The following LRRC4C variants were observed in gnomAD, a reference collection of about 807,000 sequenced individuals.
The protein encoded by LRRC4C is leucine rich repeat containing 4C.
Under a neutral mutation model 33.6 loss-of-function variants are expected in LRRC4C, and 5 were observed. The observed-to-expected ratio is 0.15, with a 90% confidence interval of 0.08 to 0.31. The LOEUF (loss-of-function observed/expected upper bound fraction) is 0.31. LRRC4C is among the 10% of genes least tolerant of loss of function. The pLI, the probability that LRRC4C is intolerant of heterozygous loss-of-function variation, is 1.00. For missense variants in LRRC4C, 560 were observed against 796.7 expected (o/e 0.70, Z 3.58); for synonymous variants, 329 against 302.0 (o/e 1.09, Z -0.93).
chr11:41,218,554 C>T (rs1947163509), intron 1 of LRRC4C, among the ~76,000 whole-genome samples: 1 of 152,036 alleles, frequency 6.6e-6, no homozygotes, highest in Non-Finnish European at 1.5e-5. Context: ...TAGCAATAGG[C>T]TTCATACAAT....
At chr11:40,656,774 T>A (rs577553052) in intron 2 of LRRC4C, among the ~76,000 whole-genome samples, 24 of 152,340 alleles carry the variant, frequency 1.6e-4, no homozygotes, top group Admixed American at 3.9e-4. Flanking sequence ...GGTACCTGGA[T>A]GATCTGTTGA....
chr11:40,483,762 G>T (rs925675156), intron 3 of LRRC4C, among the ~76,000 whole-genome samples: 2 of 130,050 alleles, frequency 1.5e-5, no homozygotes, highest in Non-Finnish European at 3.2e-5. Flanking sequence ...TAGAAGATAG[G>T]CAAGAAATGT....
intron 1 of LRRC4C, among the ~76,000 whole-genome samples, chr11:41,198,487 C>T (rs536146234): frequency 2.0e-5 from 3 of 152,022 alleles, no homozygotes; most frequent in Middle Eastern, 3.4e-3. Context: ...CTGTAAAATG[C>T]AGCTTTTGCT....
At chr11:40,422,827 A>G (rs1950567463) in intron 3 of LRRC4C, among the ~76,000 whole-genome samples, 1 of 152,218 alleles carries the variant, frequency 6.6e-6, no homozygotes, top group Non-Finnish European at 1.5e-5. Context: ...TGAGATATAA[A>G]CCAGTAGTGA....
chr11:40,649,663 T>TA (rs1942669333), intron 2 of LRRC4C, among the ~76,000 whole-genome samples: 1 of 152,182 alleles, frequency 6.6e-6, no homozygotes, highest in African/African-American at 2.4e-5. Flanking sequence ...AAGACAGGCA[T>TA]AAAAAATTAT....
At chr11:41,332,456 C>A (rs1189096245) in intron 1 of LRRC4C, among the ~76,000 whole-genome samples, 1 of 152,072 alleles carries the variant, frequency 6.6e-6, no homozygotes, top group East Asian at 1.9e-4. Context: ...TTTGCCACTC[C>A]AACTCTCTGA....
intron 5 of LRRC4C, among the ~76,000 whole-genome samples, chr11:40,181,529 C>T (rs1590637211): frequency 6.6e-6 from 1 of 152,266 alleles, no homozygotes; most frequent in South Asian, 2.1e-4. Flanking sequence ...TCAATATAGG[C>T]AATGTGCTCT....
At chr11:41,179,719 G>GA (rs1394604607) in intron 1 of LRRC4C, among the ~76,000 whole-genome samples, 1 of 152,120 alleles carries the variant, frequency 6.6e-6, no homozygotes, top group Non-Finnish European at 1.5e-5. Flanking sequence ...CTACAACACA[G>GA]AATATAAACT....
intron 1 of LRRC4C, among the ~76,000 whole-genome samples, chr11:41,189,881 T>C (rs1945867410): frequency 6.6e-6 from 1 of 152,156 alleles, no homozygotes; most frequent in African/African-American, 2.4e-5. Context: ...AAAGCAGCTT[T>C]TTGTCTCCAC....
chr11:40,224,020 G>A (rs879492283), intron 5 of LRRC4C, among the ~76,000 whole-genome samples: 36 of 152,124 alleles, frequency 2.4e-4, no homozygotes, highest in Non-Finnish European at 5.1e-4. Flanking sequence ...AGTTTGTAAA[G>A]CTTAAAAGTA....
intron 3 of LRRC4C, among the ~76,000 whole-genome samples, chr11:40,435,138 G>T (rs1276617540): frequency 2.0e-5 from 3 of 152,118 alleles, no homozygotes; most frequent in African/African-American, 7.2e-5. Flanking sequence ...GCAACAAAAT[G>T]GCCAGCTCCA....
chr11:40,658,480 T>C (rs1320244507), intron 2 of LRRC4C, among the ~76,000 whole-genome samples: 1 of 152,170 alleles, frequency 6.6e-6, no homozygotes, highest in Non-Finnish European at 1.5e-5. Context: ...GGTTTAATTG[T>C]AAAGCTACCA....
At chr11:41,220,576 G>A (rs1472675792) in intron 1 of LRRC4C, among the ~76,000 whole-genome samples, 1 of 148,956 alleles carries the variant, frequency 6.7e-6, no homozygotes, top group Non-Finnish European at 1.5e-5. Flanking sequence ...CTACACGTCT[G>A]AAAGTACTTC....
intron 1 of LRRC4C, among the ~76,000 whole-genome samples, chr11:41,169,644 T>A (rs1257179804): frequency 6.6e-6 from 1 of 152,206 alleles, no homozygotes; most frequent in Non-Finnish European, 1.5e-5. Flanking sequence ...TTTGGCATGA[T>A]CTTTTCAATT....
At chr11:41,044,820 T>C (rs528274104) in intron 1 of LRRC4C, among the ~76,000 whole-genome samples, 1 of 152,262 alleles carries the variant, frequency 6.6e-6, no homozygotes, top group South Asian at 2.1e-4. Context: ...TTTAGTATTG[T>C]TGAAAGTACT....
chr11:40,596,163 C>T (rs920002112), intron 3 of LRRC4C, among the ~76,000 whole-genome samples: 52 of 152,126 alleles, frequency 3.4e-4, no homozygotes, highest in African/African-American at 1.2e-3. Flanking sequence ...CTTGGTTTGA[C>T]ATAAAACCCC....
chr11:40,850,070 A>G (rs1953405662), intron 2 of LRRC4C, among the ~76,000 whole-genome samples: 1 of 151,980 alleles, frequency 6.6e-6, no homozygotes, highest in Non-Finnish European at 1.5e-5. Flanking sequence ...GCATTGGGTT[A>G]GAACATGCTC....
chr11:41,107,131 C>T (rs536806093), intron 1 of LRRC4C, among the ~76,000 whole-genome samples: 74 of 146,606 alleles, frequency 5.0e-4, no homozygotes, highest in Non-Finnish European at 1.0e-3. Flanking sequence ...AATTCAAAAA[C>T]CCAAAATTCA....
chr11:40,442,855 A>T (rs1157910396), intron 3 of LRRC4C, among the ~76,000 whole-genome samples: 1 of 152,180 alleles, frequency 6.6e-6, no homozygotes, highest in East Asian at 1.9e-4. Flanking sequence ...TTAGATGACC[A>T]TCAGTATATG....
Sources: gnomAD v4.1 joint callset for allele counts (sites outside exome capture counted in the v4.1 genomes callset) on GRCh38, gnomAD v4.1.1 for gene constraint, MANE v1.5 for transcripts, NCBI Gene and HGNC (gene_info 2026-07-23, HGNC 2026-07-21) for gene names.